GAS2L3: variants seen among roughly 807,000 people sequenced by gnomAD.
GAS2L3 encodes the protein GAS2-like protein 3.
GAS2L3 carries 28 observed loss-of-function variants against 37.0 expected under a neutral mutation model. The observed-to-expected ratio is 0.76, with a 90% confidence interval of 0.56 to 1.04. GAS2L3 has a LOEUF of 1.04. Among genes scored for constraint, GAS2L3 ranks in the 50% least tolerant of loss-of-function variants. GAS2L3 has a pLI of 0.00. For synonymous variants in GAS2L3, 290 were observed against 296.6 expected (o/e 0.98, Z 0.23); for missense variants, 793 against 817.6 (o/e 0.97, Z 0.37).
At chr12:100,610,355 A>G (rs73381949) in intron 5 of GAS2L3, among the ~76,000 whole-genome samples, 2,820 of 152,342 alleles carry the variant, frequency 0.019, 94 homozygotes, top group African/African-American at 0.064. Flanking sequence ...TCTACAACAT[A>G]TCATTTCATG....
At chr12:100,585,785 A>G (rs1955773675) in intron 1 of GAS2L3, among the ~76,000 whole-genome samples, 1 of 152,000 alleles carries the variant, frequency 6.6e-6, no homozygotes, top group Non-Finnish European at 1.5e-5. Context: ...TCCAGTGGAG[A>G]CTGTTAGATT....
chr12:100,592,421 C>T (rs1019697751), intron 2 of GAS2L3: 5 of 152,000 alleles, frequency 3.3e-5, no homozygotes, highest in Non-Finnish European at 5.9e-5. Context: ...CCCATCATAC[C>T]GTATAACGTG....
At chr12:100,623,522 C>G (rs368561171) in intron 9 of GAS2L3, 40 bp from the exon 10 acceptor site, 4 of 1,530,772 alleles carry the variant, frequency 2.6e-6, no homozygotes, top group Non-Finnish European at 3.5e-6. Flanking sequence ...ATAAACCTCA[C>G]AGTATTACAG....
chr12:100,600,598 C>T, intron 4 of GAS2L3, 48 bp downstream of exon 4: 2 of 1,370,708 alleles, frequency 1.5e-6, no homozygotes, highest in Non-Finnish European at 2.1e-6. Context: ...ATTCAATATG[C>T]ATTTATTGAG....
intron 1 of GAS2L3, among the ~76,000 whole-genome samples, chr12:100,580,418 G>A (rs1955695992): frequency 2.6e-5 from 4 of 152,134 alleles, no homozygotes; most frequent in Admixed American, 2.6e-4. Flanking sequence ...AAATTTAGAA[G>A]AGAACATTTA....
intron 8 of GAS2L3, among the ~76,000 whole-genome samples, chr12:100,619,640 A>G (rs527471877): frequency 3.3e-5 from 5 of 151,820 alleles, no homozygotes; most frequent in South Asian, 2.1e-4. Context: ...GTGTGTGTGT[A>G]TATATATATA....
At chr12:100,580,841 TTTATCA>T (rs1227328443) in intron 1 of GAS2L3, among the ~76,000 whole-genome samples, 1 of 152,194 alleles carries the variant, frequency 6.6e-6, no homozygotes, top group Non-Finnish European at 1.5e-5. Flanking sequence ...GCATTAACTC[TTTATCA>T]TTCAAATGGC....
chr12:100,606,528 T>C (rs1956059163), intron 5 of GAS2L3, among the ~76,000 whole-genome samples: 2 of 151,996 alleles, frequency 1.3e-5, no homozygotes, highest in Admixed American at 1.3e-4. Context: ...ATTCCTGCCA[T>C]TTTGTTGTTT....
intron 5 of GAS2L3, among the ~76,000 whole-genome samples, chr12:100,608,274 A>T (rs895965985): frequency 2.0e-5 from 3 of 151,948 alleles, no homozygotes; most frequent in African/African-American, 7.3e-5. Context: ...GGATCTGGGG[A>T]TGGGGGGACA....
At chr12:100,601,259 G>C (rs1288379135) in intron 4 of GAS2L3, among the ~76,000 whole-genome samples, 1 of 152,162 alleles carries the variant, frequency 6.6e-6, no homozygotes, top group South Asian at 2.1e-4. Flanking sequence ...AGACATTCTA[G>C]AAGTAAAAAG....
At chr12:100,597,089 A>G (rs746967251) in intron 3 of GAS2L3, among the ~76,000 whole-genome samples, 1 of 151,970 alleles carries the variant, frequency 6.6e-6, no homozygotes, top group South Asian at 2.1e-4. Context: ...ATGTGACAAG[A>G]AGTAAAAATG....
Position 100,600,468 on chromosome 12 carries a change from C to T in GAS2L3, c.105C>T (p.Tyr35=), listed in dbSNP as rs776903194. ...HGPGLANVCQ[Y]DEWIAVRHEA... Reference sequence around the variant, plus strand: ...CAGGATTGGCTAATGTTTGTCAGTACGATGAGTGGATAGCTGTGAGGCATG... The same window carrying T: ...CAGGATTGGCTAATGTTTGTCAGTATGATGAGTGGATAGCTGTGAGGCATG... The change falls in exon 4 of 10, where the codon TAC becomes TAT. Residue 35 remains tyrosine, a synonymous_variant. Coordinates refer to ENST00000547754, the MANE Select transcript of GAS2L3 (RefSeq NM_174942.3). 17 of 1,612,822 alleles carry T rather than the reference C, an allele frequency of 1.1e-5. No homozygotes were observed. Among genetic ancestry groups the T allele is most frequent in the South Asian group, 9.9e-5 (9 of 91,044 alleles).
intron 6 of GAS2L3, among the ~76,000 whole-genome samples, chr12:100,615,547 T>A (rs1385090013): frequency 6.6e-6 from 1 of 152,170 alleles, no homozygotes; most frequent in Non-Finnish European, 1.5e-5. Context: ...ATACTTTTGG[T>A]CATTTAAAAA....
chr12:100,612,052 T>C lies in GAS2L3; in HGVS notation c.356T>C (p.Phe119Ser). The C allele has an allele frequency of 6.2e-7, 1 of 1,611,926 alleles. No individual in the cohort carries two copies. Among genetic ancestry groups the C allele is most frequent in the East Asian group, 2.2e-5 (1 of 44,858 alleles). ...PCKKDAASGS[F>S]FARDNTANFL... ...AAGAAAGATGCTGCATCAGGTTCAT[T>C]CTTTGCTCGGGACAATACCGCAAAC... The change falls in exon 6 of 10, where the codon TTC (phenylalanine) becomes TCC (serine). Residue 119 changes from phenylalanine (F) to serine (S), a missense_variant. Physicochemically the swap from Phe to Ser is radical, Grantham distance 155. Coordinates refer to ENST00000547754, the MANE Select transcript of GAS2L3 (RefSeq NM_174942.3).
chr12:100,583,454 T>C (rs144639207), intron 1 of GAS2L3, among the ~76,000 whole-genome samples: 67 of 152,380 alleles, frequency 4.4e-4, no homozygotes, highest in African/African-American at 1.4e-3. Context: ...TGTTGTCCTG[T>C]TAACTTGGAA....
At chr12:100,584,314 A>C (rs1318215384) in intron 1 of GAS2L3, among the ~76,000 whole-genome samples, 1 of 152,190 alleles carries the variant, frequency 6.6e-6, no homozygotes, top group Non-Finnish European at 1.5e-5. Context: ...TTACAAGCCT[A>C]GATTAGTTAA....
At chr12:100,599,716 T>C (rs1358979539) in intron 3 of GAS2L3, among the ~76,000 whole-genome samples, 1 of 152,244 alleles carries the variant, frequency 6.6e-6, no homozygotes, top group Admixed American at 6.5e-5. Flanking sequence ...CTAGGCTCAA[T>C]GCCAGATGCT....
Position 100,623,687 on chromosome 12 carries a change from A to T in GAS2L3, c.882A>T (p.Ala294=). ...CCACATTAGAACAAAAAATTTTAGC[A>T]TTTCAAAAAGGAGTTTCTAATGAAA... The part of the protein sequence containing the change: ...QFATLEQKIL[A]FQKGVSNESV... The change falls in exon 10 of 10, where the codon GCA becomes GCT. Residue 294 remains alanine (A), a synonymous_variant. Coordinates refer to ENST00000547754, the MANE Select transcript of GAS2L3 (RefSeq NM_174942.3). 5 of 1,614,088 alleles carry T rather than the reference A, an allele frequency of 3.1e-6. No homozygotes were observed. Among genetic ancestry groups the T allele is most frequent in the Non-Finnish European group, 4.2e-6 (5 of 1,179,968 alleles).
At position 100,612,109 on chromosome 12, in the gene GAS2L3, A is replaced by G. The variant is rs776265776; in HGVS notation, c.413A>G (p.Asp138Gly). Reference protein sequence around the residue: ...FLHWCRDIGVDETYLFESEGL... With the variant: ...FLHWCRDIGVGETYLFESEGL... ...CACTGGTGTAGGGACATTGGGGTTG[A>G]TGAAACTTACCTCTTTGAATCTGAA... Residue 138 changes from aspartate (D) to glycine (G), a missense_variant, in exon 6 of 10, where the codon GAT (aspartate) becomes GGT (glycine). Physicochemically the swap from Asp to Gly is moderately conservative, Grantham distance 94. Transcript: ENST00000547754. The G allele has an allele frequency of 4.8e-5, 78 of 1,613,332 alleles. 1 individual carries two copies. In the Middle Eastern group the frequency reaches 4.6e-3, roughly 95 times the overall value.
Sources: allele counts gnomAD v4.1 joint callset (sites outside exome capture counted in the v4.1 genomes callset), GRCh38; gene constraint gnomAD v4.1.1; transcripts MANE v1.5; gene names NCBI Gene and HGNC (gene_info 2026-07-23, HGNC 2026-07-21).